The following NOTCH2 variants were observed in gnomAD, a reference collection of about 807,000 sequenced individuals.
NOTCH2 encodes the protein notch receptor 2.
A neutral mutation model predicts 235.8 loss-of-function variants in NOTCH2; 29 were observed. The observed-to-expected ratio is 0.12, with a 90% CI of 0.09 to 0.17. NOTCH2 has a LOEUF of 0.17. Ranked by LOEUF, NOTCH2 falls within the 10% of genes least tolerant of loss-of-function variation. The pLI is 1.00. For missense variants in NOTCH2, 2,285 were observed against 3,150.2 expected, an observed-to-expected ratio of 0.73 and a Z score of 6.57; for synonymous variants, 1,086 against 1,141.5, an observed-to-expected ratio of 0.95 and a Z score of 0.98.
chr1:119,984,643 T>C (rs1455626896), intron 5 of NOTCH2, among the ~76,000 whole-genome samples: 1 of 152,192 alleles, frequency 6.6e-6, no homozygotes, highest in Non-Finnish European at 1.5e-5. Flanking sequence ...TGTTTTTCTC[T>C]TTACAATAGG....
At chr1:119,994,619 G>C (rs1652369870) in intron 4 of NOTCH2, 1 of 123,182 alleles carries the variant, frequency 8.1e-6, no homozygotes, top group Non-Finnish European at 1.6e-5. Flanking sequence ...GGAGTGTCTT[G>C]GTTTTCTTAT....
In NOTCH2 at chr1:119,967,539, T is replaced by C. The variant is rs781923111; in HGVS notation, c.1347A>G (p.Ala449=). ...AFHCECLKGY[A]GPRCEMDINE... ...TGATGTCCATCTCACAACGAGGTCC[T>C]GCATAACCCTTCAGACACTCACAGT... Residue 449 remains alanine (A), a synonymous_variant, in exon 8 of 34, where the codon GCA becomes GCG. Transcript: ENST00000256646. 12 of 1,614,000 alleles carry C rather than the reference T, an allele frequency of 7.4e-6. No homozygotes were observed. The highest frequency in any genetic ancestry group is 2.7e-5 in the African/African-American group (2 of 74,938).
At chr1:120,006,844 T>C (rs1652996469) in intron 2 of NOTCH2, among the ~76,000 whole-genome samples, 3 of 152,180 alleles carry the variant, frequency 2.0e-5, no homozygotes, top group Admixed American at 2.0e-4. Context: ...TGCTTTTGTC[T>C]TTGACAGTCA....
rs181013434 is a variant in NOTCH2, at chr1:119,957,998, T to C, written c.2026+1394A>G. The stretch of plus-strand genomic sequence containing the variant: ...CACTGGTAACATTACTTAACATCTC[T>C]GTGTTCTGGGTTTCTTATTCTGTAG... On this transcript the variant is annotated intron_variant, in intron 12 of 33. Transcript: ENST00000256646. Among the ~76,000 whole-genome samples, 566 of 152,286 alleles carry C rather than the reference T, an allele frequency of 3.7e-3. 5 individuals carry two copies. The highest frequency in any genetic ancestry group is 6.9e-3 in the Admixed American group (105 of 15,286).
At chr1:119,971,219 CT>C (rs1557827387) in intron 5 of NOTCH2, among the ~76,000 whole-genome samples, 2 of 152,302 alleles carry the variant, frequency 1.3e-5, no homozygotes, top group Admixed American at 6.5e-5. Flanking sequence ...TAGAGGGGTT[CT>C]TTTGTATTCC....
chr1:120,005,156 C>T (rs1652916767), intron 3 of NOTCH2, 173 bp downstream of exon 3: 3 of 850,466 alleles, frequency 3.5e-6, no homozygotes, highest in South Asian at 3.2e-5. Flanking sequence ...CCCCCTGAAA[C>T]TCTTAAAAGG....
chr1:119,918,693 C>T, intron 31 of NOTCH2, 140 bp from the exon 32 acceptor site: 1 of 790,922 alleles, frequency 1.3e-6, no homozygotes, highest in East Asian at 2.6e-5. Flanking sequence ...ATCTTTGTGC[C>T]CAAGATTCTA....
rs778791690 is a variant in NOTCH2 at position 119,925,487 on chromosome 1, G to A, written c.4329C>T (p.Cys1443=). 7.4e-6 allele frequency: 12 copies of A among 1,614,168 alleles called. No homozygotes were observed. Among genetic ancestry groups the A allele is most frequent in the Non-Finnish European group, 1.0e-5 (12 of 1,180,028 alleles). The change falls in exon 25 of 34, where the codon TGC becomes TGT. Residue 1443 remains cysteine (C), a synonymous_variant. Coordinates refer to ENST00000256646, the MANE Select transcript of NOTCH2 (RefSeq NM_024408.4). ...CATCCCACTGGCAGGCATGGCTGTT[G>A]CAGGCCTCATCACAGACGCCATCCC... ...KARDGVCDEA[C]NSHACQWDGG... is the part of the protein sequence containing the mutation.
intron 28 of NOTCH2, among the ~76,000 whole-genome samples, 161 bp from the exon 29 acceptor site, chr1:119,921,970 A>G (rs1249049447): frequency 6.6e-6 from 1 of 152,172 alleles, no homozygotes; most frequent in Non-Finnish European, 1.5e-5. Flanking sequence ...TTCCCTTGGC[A>G]TTCATCCTTT....
intron 23 of NOTCH2, among the ~76,000 whole-genome samples, chr1:119,927,483 G>A (rs1224301809): frequency 6.6e-6 from 1 of 152,102 alleles, no homozygotes; most frequent in East Asian, 1.9e-4. Context: ...GTTTATCTCT[G>A]CAACAGCATC....
At chr1:119,980,554 A>G (rs1399989636) in intron 5 of NOTCH2, among the ~76,000 whole-genome samples, 1 of 152,022 alleles carries the variant, frequency 6.6e-6, no homozygotes, top group Non-Finnish European at 1.5e-5. Context: ...AACTTCCTCA[A>G]TCTAGCTTCT....
intron 20 of NOTCH2, 45 bp downstream of exon 20, chr1:119,937,812 T>A (rs1196042430): frequency 6.2e-7 from 1 of 1,610,058 alleles, no homozygotes; most frequent in Non-Finnish European, 8.5e-7. Context: ...CACTGGACAG[T>A]CAATACTGCA....
At chr1:119,995,971 CT>C in intron 4 of NOTCH2, 1 of 152,622 alleles carries the variant, frequency 6.6e-6, no homozygotes, top group African/African-American at 2.4e-5. Context: ...GATTCCCACT[CT>C]GAAAGAGTAA....
At chr1:120,064,991 C>G (rs1449754106) in intron 1 of NOTCH2, among the ~76,000 whole-genome samples, 1 of 151,846 alleles carries the variant, frequency 6.6e-6, no homozygotes, top group African/African-American at 2.4e-5. Flanking sequence ...CCTAGTAATA[C>G]AGTAATACAG....
chr1:119,968,247 G>A lies in NOTCH2; in HGVS notation c.1109-15C>T. ...ACACAGGAGACCTGTCACAGGGTGG[G>A]GCAAAGGACAACTAAGAGAAAATGT... is the stretch of plus-strand genomic sequence containing the variant. On this transcript the variant is annotated splice_polypyrimidine_tract_variant and intron_variant, in intron 6 of 33. Coordinates refer to ENST00000256646, the MANE Select transcript of NOTCH2 (RefSeq NM_024408.4). 1.2e-6 allele frequency: 2 copies of A among 1,613,110 alleles called. No individual in the cohort carries two copies. Among genetic ancestry groups the A allele is most frequent in the East Asian group, 2.2e-5 (1 of 44,798 alleles).
rs1031665170 is a variant in NOTCH2, at chr1:119,916,402, C to G, written c.6320G>C (p.Ser2107Thr). 6.2e-7 allele frequency: 1 copy of G among 1,614,074 alleles called. No homozygotes were observed. Among genetic ancestry groups the G allele is most frequent in the Admixed American group, 1.7e-5 (1 of 60,008 alleles). ...GCTAGTAGGCATGGTACTCTTGGCA[C>G]TGGGCCGTCTAGACTTCTTGCCCAT... Reference protein sequence around the residue: ...TPMGKKSRRPSAKSTMPTSLP... With the variant: ...TPMGKKSRRPTAKSTMPTSLP... The change falls in exon 34 of 34, where the codon AGT becomes ACT. Residue 2107 changes from serine (S) to threonine (T), a missense_variant. Ser to Thr is a moderately conservative substitution (Grantham distance 58, BLOSUM62 1). Transcript: ENST00000256646.
At chr1:119,972,156 A>C (rs1387600916) in intron 5 of NOTCH2, among the ~76,000 whole-genome samples, 5 of 151,936 alleles carry the variant, frequency 3.3e-5, no homozygotes, top group Non-Finnish European at 7.4e-5. Flanking sequence ...GGAGGGAGTC[A>C]GTGAGTGAGT....
intron 5 of NOTCH2, among the ~76,000 whole-genome samples, chr1:119,983,294 C>T (rs1553201880): frequency 1.3e-5 from 2 of 151,504 alleles, no homozygotes; most frequent in Non-Finnish European, 2.9e-5. Context: ...ACCAGGACTA[C>T]AGGTGCACGC....
intron 5 of NOTCH2, among the ~76,000 whole-genome samples, chr1:119,984,359 C>T (rs1493694): frequency 0.22 from 32,792 of 152,110 alleles, 5,855 homozygotes; most frequent in African/African-American, 0.49. Context: ...CCAACCACTA[C>T]GGGTCTTGGG....
Sources: gnomAD v4.1 joint callset for allele counts (sites outside exome capture counted in the v4.1 genomes callset) on GRCh38, gnomAD v4.1.1 for gene constraint, MANE v1.5 for transcripts, NCBI Gene and HGNC (gene_info 2026-07-23, HGNC 2026-07-21) for gene names.